Variants in ITK observed in about 807,000 individuals in gnomAD.
ITK encodes tyrosine-protein kinase ITK/TSK.
ITK carries 45 observed loss-of-function variants against 87.6 expected under a neutral mutation model. That is an observed-to-expected ratio of 0.51 (90% CI 0.40 to 0.66). ITK has a LOEUF of 0.66. ITK is among the 30% of genes least tolerant of loss of function. The pLI, the probability that ITK is intolerant of heterozygous loss-of-function variation, is 0.00. For synonymous variants in ITK, 303 were observed against 273.6 expected (o/e 1.11, Z -1.06); for missense variants, 605 against 766.3 (o/e 0.79, Z 2.48).
chr5:157,255,042 G>A lies in ITK; in HGVS notation c.*2364G>A, dbSNP rs1419263311. The A allele has an allele frequency of 4.9e-6, 1 of 202,050 alleles. No individual in the cohort carries two copies. The highest frequency in any genetic ancestry group is 1.0e-5 in the Non-Finnish European group (1 of 98,346). The allele number at this position is 202,050 out of a possible 1,614,324, so 12.5% of individuals were successfully genotyped here. On this transcript the variant is annotated 3_prime_UTR_variant, in exon 17 of 17. Coordinates refer to ENST00000422843, the MANE Select transcript of ITK (RefSeq NM_005546.4). ...AGACTATGTATTTATATTTGGATCA[G>A]ATGCATATTTATTAATGTACAGTCA...
At chr5:157,245,856 C>T (rs377333840) in intron 14 of ITK, 25 bp from the exon 15 acceptor site, 25 of 1,608,936 alleles carry the variant, frequency 1.6e-5, no homozygotes, top group Non-Finnish European at 2.0e-5. Flanking sequence ...AACATTCTGA[C>T]CTTCTCCCTC....
chr5:157,250,882 A>G (rs1032062531), intron 16 of ITK, among the ~76,000 whole-genome samples: 1 of 152,208 alleles, frequency 6.6e-6, no homozygotes, highest in African/African-American at 2.4e-5. Flanking sequence ...TTTATTGCTA[A>G]ATAATATTCC....
chr5:157,187,874 A>C (rs373102090), intron 1 of ITK, among the ~76,000 whole-genome samples: 95 of 151,294 alleles, frequency 6.3e-4, no homozygotes, highest in African/African-American at 2.3e-3. Flanking sequence ...ATCACAGCTC[A>C]CTGTAGCCTC....
chr5:157,211,252 G>A (rs374890618), intron 2 of ITK, 35 bp from the exon 3 acceptor site: 54 of 1,569,292 alleles, frequency 3.4e-5, no homozygotes, highest in East Asian at 4.5e-5. Flanking sequence ...CTCCATGCAC[G>A]CTGCTCACCT....
chr5:157,240,022 C>T, intron 9 of ITK, 40 bp from the exon 10 acceptor site: 1 of 1,598,750 alleles, frequency 6.3e-7, no homozygotes, highest in South Asian at 1.1e-5. Context: ...CTCAACATTG[C>T]TTCTTAATAA....
chr5:157,201,453 A>G (rs1753973571), intron 1 of ITK, among the ~76,000 whole-genome samples: 1 of 151,862 alleles, frequency 6.6e-6, no homozygotes, highest in Non-Finnish European at 1.5e-5. Flanking sequence ...GCGTACCACC[A>G]TGCCTGGCTA....
intron 1 of ITK, among the ~76,000 whole-genome samples, 181 bp from the exon 2 acceptor site, chr5:157,208,708 G>T (rs1331689760): frequency 6.6e-6 from 1 of 152,196 alleles, no homozygotes; most frequent in African/African-American, 2.4e-5. Flanking sequence ...GTCCCCAGGA[G>T]TCTGCTCAGA....
At chr5:157,184,187 G>A (rs1459574137) in intron 1 of ITK, among the ~76,000 whole-genome samples, 1 of 152,172 alleles carries the variant, frequency 6.6e-6, no homozygotes, top group Admixed American at 6.5e-5. Context: ...TTCTATGACA[G>A]AGGACAATGA....
At chr5:157,215,380 G>T (rs1337280480) in intron 4 of ITK, among the ~76,000 whole-genome samples, 2 of 152,056 alleles carry the variant, frequency 1.3e-5, no homozygotes, top group East Asian at 3.8e-4. Context: ...TGATTCATAG[G>T]CCCTCTCATT....
chr5:157,247,243 A>T (rs1755038373), intron 15 of ITK, among the ~76,000 whole-genome samples: 2 of 152,232 alleles, frequency 1.3e-5, no homozygotes, highest in Non-Finnish European at 2.9e-5. Flanking sequence ...GTTCATTATG[A>T]GTCCTACCTA....
intron 11 of ITK, among the ~76,000 whole-genome samples, chr5:157,242,873 C>G (rs1318530521): frequency 6.6e-6 from 1 of 152,212 alleles, no homozygotes; most frequent in East Asian, 1.9e-4. Context: ...GCACCGTGTC[C>G]GGCACACAGT....
intron 12 of ITK, 74 bp downstream of exon 12, chr5:157,243,868 A>G: frequency 1.4e-6 from 2 of 1,380,216 alleles, no homozygotes; most frequent in South Asian, 1.2e-5. Context: ...ATGCCATTCA[A>G]ACGCCAGGGG....
intron 3 of ITK, 30 bp from the exon 4 acceptor site, chr5:157,214,161 A>T: frequency 6.2e-7 from 1 of 1,601,336 alleles, no homozygotes; most frequent in Non-Finnish European, 8.6e-7. Context: ...ACCTGGAAAT[A>T]ACTCTTCTGT....
intron 15 of ITK, among the ~76,000 whole-genome samples, chr5:157,248,270 AC>A (rs1755061068): frequency 6.6e-6 from 1 of 152,226 alleles, no homozygotes; most frequent in Non-Finnish European, 1.5e-5. Context: ...TCACATTTCT[AC>A]CAAGGGCAGA....
intron 13 of ITK, among the ~76,000 whole-genome samples, 194 bp downstream of exon 13, chr5:157,244,672 C>G (rs1161709089): frequency 6.6e-6 from 1 of 152,162 alleles, no homozygotes; most frequent in Non-Finnish European, 1.5e-5. Context: ...GGCTCTGATC[C>G]CAGCCCAAAC....
intron 7 of ITK, among the ~76,000 whole-genome samples, chr5:157,229,901 C>A (rs764685906): frequency 4.6e-5 from 7 of 152,018 alleles, no homozygotes; most frequent in Non-Finnish European, 2.9e-5. Context: ...GCAACAAGAG[C>A]GAAACTCCAT....
At chr5:157,196,551 A>T (rs1008424788) in intron 1 of ITK, among the ~76,000 whole-genome samples, 2 of 152,132 alleles carry the variant, frequency 1.3e-5, no homozygotes. Context: ...ACTAGTTTTA[A>T]CCTACATTTT....
intron 7 of ITK, among the ~76,000 whole-genome samples, chr5:157,231,715 C>T (rs1208105108): frequency 1.3e-5 from 2 of 151,886 alleles, no homozygotes; most frequent in Non-Finnish European, 2.9e-5. Context: ...AAAAAAAAAA[C>T]TTCATCCCTA....
At chr5:157,197,517 A>C (rs999496281) in intron 1 of ITK, among the ~76,000 whole-genome samples, 1 of 152,250 alleles carries the variant, frequency 6.6e-6, no homozygotes, top group Admixed American at 6.5e-5. Flanking sequence ...ATTCTGCCAC[A>C]GTGGAACCTA....
Sources: allele counts gnomAD v4.1 joint callset (sites outside exome capture counted in the v4.1 genomes callset), GRCh38; gene constraint gnomAD v4.1.1; transcripts MANE v1.5; gene names NCBI Gene and HGNC (gene_info 2026-07-23, HGNC 2026-07-21).